LRP2: variants seen among roughly 807,000 people sequenced by gnomAD.
The protein encoded by LRP2 is low-density lipoprotein receptor-related protein 2.
LRP2 carries 172 observed loss-of-function variants against 531.0 expected under a neutral mutation model. The ratio of observed to expected loss-of-function variants is 0.32; its 90% CI spans 0.29 to 0.37. The LOEUF (loss-of-function observed/expected upper bound fraction) is 0.37. LRP2 is among the 10% of genes least tolerant of loss of function. LRP2 has a pLI of 1.00. For missense variants in LRP2, 5,167 were observed against 5,868.3 expected (o/e 0.88, Z 3.90); for synonymous variants, 1,992 against 2,027.6 (o/e 0.98, Z 0.47).
intron 68 of LRP2, among the ~76,000 whole-genome samples, chr2:169,149,924 A>G (rs1686062546): frequency 6.6e-6 from 1 of 152,180 alleles, no homozygotes; most frequent in African/African-American, 2.4e-5. Flanking sequence ...GAATTTAAAC[A>G]TTAGTTACAG....
chr2:169,334,288 AT>A (rs1347936858), intron 1 of LRP2, among the ~76,000 whole-genome samples: 1 of 152,226 alleles, frequency 6.6e-6, no homozygotes, highest in Non-Finnish European at 1.5e-5. Context: ...AATATATACA[AT>A]AAAATCTCTA....
chr2:169,278,886 A>G (rs536563001), intron 12 of LRP2, among the ~76,000 whole-genome samples: 1 of 152,360 alleles, frequency 6.6e-6, no homozygotes, highest in South Asian at 2.1e-4. Flanking sequence ...ACAACTTGTA[A>G]TGAGATATTA....
chr2:169,166,777 T>A (rs547056096), intron 61 of LRP2, among the ~76,000 whole-genome samples: 41 of 152,310 alleles, frequency 2.7e-4, no homozygotes, highest in South Asian at 1.2e-3. Flanking sequence ...GTCCCCTACT[T>A]GTTTGGTACA....
intron 50 of LRP2, among the ~76,000 whole-genome samples, chr2:169,185,206 G>C (rs1002314103): frequency 1.3e-5 from 2 of 152,182 alleles, no homozygotes; most frequent in African/African-American, 4.8e-5. Context: ...ACCAATGAAT[G>C]CATGAATCGT....
chr2:169,314,500 G>T (rs1422893894), intron 3 of LRP2, among the ~76,000 whole-genome samples: 2 of 151,326 alleles, frequency 1.3e-5, no homozygotes, highest in African/African-American at 4.9e-5. Context: ...CAAACATATA[G>T]AAATTATCAT....
chr2:169,143,599 T>G (rs1053501848), intron 70 of LRP2, among the ~76,000 whole-genome samples: 4 of 152,086 alleles, frequency 2.6e-5, no homozygotes, highest in African/African-American at 9.7e-5. Context: ...TGAGCCGAGA[T>G]TGCACCACTG....
At position 169,206,080 on chromosome 2, in the gene LRP2, C is replaced by A. The variant is rs199910334; in HGVS notation, c.7499G>T (p.Arg2500Leu). Residue 2500 changes from arginine to leucine, a missense_variant, in exon 40 of 79, where the codon CGC becomes CTC. Around this residue, in one of 6 missense-constraint regions of LRP2, gnomAD observed 1,129 missense variants for 1,362.7 expected, o/e 0.83. Coordinates refer to ENST00000649046, the MANE Select transcript of LRP2 (RefSeq NM_004525.3). Reference sequence around the variant, plus strand: ...TTTTGGAACGCGGGCTATCACAGTGCGGTTAGACCCATCTTCAGCCATGGA... The same window carrying A: ...TTTTGGAACGCGGGCTATCACAGTGAGGTTAGACCCATCTTCAGCCATGGA... ...INSMAEDGSNRTVIARVPKPR... is the reference protein window; with the variant it reads ...INSMAEDGSNLTVIARVPKPR... 6.2e-7 allele frequency: 1 copy of A among 1,614,150 alleles called. No homozygotes were observed. Among genetic ancestry groups the A allele is most frequent in the Non-Finnish European group, 8.5e-7 (1 of 1,180,034 alleles).
Position 169,166,001 on chromosome 2 carries a change from T to C in LRP2, c.11689A>G (p.Ile3897Val), listed in dbSNP as rs771527344. The stretch of plus-strand genomic sequence containing the variant: ...CCATTGCACACCTCATGACTATAAA[T>C]GCAGCGATTGTTGTCACACCGGAAA... ...NRFRCDNNRC[I>V]YSHEVCNGVD... Residue 3897 changes from isoleucine to valine, a missense_variant, in exon 62 of 79, where the codon ATT (isoleucine) becomes GTT (valine). Physicochemically the swap from Ile to Val is conservative, Grantham distance 29 (BLOSUM62 3). Coordinates refer to ENST00000649046, the MANE Select transcript of LRP2 (RefSeq NM_004525.3). 1.9e-6 allele frequency: 3 copies of C among 1,614,068 alleles called. No homozygotes were observed. Among genetic ancestry groups the C allele is most frequent in the Non-Finnish European group, 2.5e-6 (3 of 1,179,934 alleles).
chr2:169,279,781 G>T (rs1477512243), intron 11 of LRP2, among the ~76,000 whole-genome samples, 186 bp from the exon 12 acceptor site: 7 of 151,952 alleles, frequency 4.6e-5, no homozygotes, highest in African/African-American at 1.7e-4. Flanking sequence ...AATGTAAGAA[G>T]AAATAAATAA....
chr2:169,226,479 A>G lies in LRP2; in HGVS notation c.5337T>C (p.Asn1779=), dbSNP rs1030021659. ...CATCATCAAATTCAACATCTAAACC[A>G]TTCTGTATCCCTGCTATGGGGACCA... The part of the protein sequence containing the change: ...DAMVPIAGIQ[N]GLDVEFDDAE... The change falls in exon 32 of 79, where the codon AAT becomes AAC. Residue 1779 remains asparagine, a synonymous_variant. Transcript: ENST00000649046. The G allele has an allele frequency of 7.4e-6, 12 of 1,613,636 alleles. No individual in the cohort carries two copies. The highest frequency in any genetic ancestry group is 2.2e-5 in the East Asian group (1 of 44,866).
chr2:169,298,016 C>CA (rs1684177459), intron 4 of LRP2, among the ~76,000 whole-genome samples: 1 of 151,798 alleles, frequency 6.6e-6, no homozygotes, highest in East Asian at 1.9e-4. Context: ...GATACAAGTC[C>CA]AGCCCAGACA....
At chr2:169,268,124 A>T (rs1683282810) in intron 16 of LRP2, among the ~76,000 whole-genome samples, 1 of 152,212 alleles carries the variant, frequency 6.6e-6, no homozygotes, top group African/African-American at 2.4e-5. Flanking sequence ...ATAGCCTACC[A>T]ACCCAAAAAA....
chr2:169,278,092 G>T, intron 12 of LRP2, 141 bp from the exon 13 acceptor site: 1 of 678,354 alleles, frequency 1.5e-6, no homozygotes. Context: ...GGGAAATTAA[G>T]TTGTTTTTTT....
chr2:169,279,760 T>C (rs1052599315), intron 11 of LRP2, among the ~76,000 whole-genome samples, 165 bp from the exon 12 acceptor site: 1 of 152,210 alleles, frequency 6.6e-6, no homozygotes, highest in Non-Finnish European at 1.5e-5. Flanking sequence ...ATCGTATTAA[T>C]GGTATAATAA....
intron 16 of LRP2, among the ~76,000 whole-genome samples, chr2:169,259,644 C>T (rs1032772402): frequency 2.0e-5 from 3 of 151,846 alleles, no homozygotes; most frequent in African/African-American, 7.3e-5. Flanking sequence ...ATCGCCCAAC[C>T]CTCTCATCAA....
Position 169,182,186 on chromosome 2 carries a change from C to T in LRP2, c.9979G>A (p.Ala3327Thr). ...CAATACCCATATTGAGGGTGAAGGG[C>T]AAGTCCTCTGGGATTATCAAAGCAG... ...TFCFDNPRGL[A>T]LHPQYGYLYW... Residue 3327 changes from alanine (A) to threonine (T), a missense_variant, in exon 51 of 79, where the codon GCC becomes ACC. Coordinates refer to ENST00000649046, the MANE Select transcript of LRP2 (RefSeq NM_004525.3). 1 of 1,614,090 alleles carries T rather than the reference C, an allele frequency of 6.2e-7. No individual in the cohort carries two copies. Among genetic ancestry groups the T allele is most frequent in the Non-Finnish European group, 8.5e-7 (1 of 1,179,992 alleles).
intron 9 of LRP2, among the ~76,000 whole-genome samples, chr2:169,286,934 G>C (rs1206485494): frequency 6.6e-6 from 1 of 152,186 alleles, no homozygotes; most frequent in East Asian, 1.9e-4. Flanking sequence ...AATGCCTAAA[G>C]AACTAAAAGG....
chr2:169,211,052 A>G (rs148287523), intron 37 of LRP2, among the ~76,000 whole-genome samples: 4 of 152,340 alleles, frequency 2.6e-5, no homozygotes, highest in African/African-American at 7.2e-5. Context: ...TGAATTTGTC[A>G]TATCTGTACA....
At chr2:169,153,520 G>T (rs1686219693) in intron 66 of LRP2, among the ~76,000 whole-genome samples, 1 of 152,188 alleles carries the variant, frequency 6.6e-6, no homozygotes, top group Non-Finnish European at 1.5e-5. Flanking sequence ...ATGAATATGT[G>T]TGAAAATACA....
Sources: gnomAD v4.1 joint callset for allele counts (sites outside exome capture counted in the v4.1 genomes callset) on GRCh38, gnomAD v4.1.1 for gene constraint, gnomAD v4.1.1 regional missense constraint, MANE v1.5 for transcripts, NCBI Gene and HGNC (gene_info 2026-07-23, HGNC 2026-07-21) for gene names.